The following SYT12 variants were observed in gnomAD, a reference collection of about 807,000 sequenced individuals.
The protein encoded by SYT12 is synaptotagmin 12, also known as synaptotagmin-12.
SYT12 carries 27 observed loss-of-function variants against 39.5 expected under a neutral mutation model. That is an observed-to-expected ratio of 0.68 (90% CI 0.50 to 0.94). The LOEUF is 0.94. Ranked by LOEUF, SYT12 falls within the 40% of genes least tolerant of loss-of-function variation. The pLI, the probability that SYT12 is intolerant of heterozygous loss-of-function variation, is 0.00. For missense variants in SYT12, 536 were observed against 572.6 expected (o/e 0.94, Z 0.65); for synonymous variants, 233 against 239.7 (o/e 0.97, Z 0.26).
intron 2 of SYT12, chr11:67,030,848 A>G (rs958991226): frequency 2.0e-5 from 3 of 152,346 alleles, no homozygotes; most frequent in African/African-American, 7.2e-5. Flanking sequence ...GAAACATACC[A>G]GCCGTCTTTT....
chr11:67,029,904 C>A, intron 1 of SYT12: 1 of 501,446 alleles, frequency 2.0e-6, no homozygotes. Context: ...CACTGGGCAT[C>A]CTGTGTTTTA....
At chr11:67,035,821 C>T (rs1277461914) in intron 3 of SYT12, among the ~76,000 whole-genome samples, 1,453 of 88,660 alleles carry the variant, frequency 0.016, 103 homozygotes, top group African/African-American at 0.068. Flanking sequence ...TTCCTTCCTT[C>T]CTTCCTTCCT....
upstream of SYT12, among the ~76,000 whole-genome samples, chr11:67,019,452 A>G (rs544712818): frequency 1.3e-5 from 2 of 152,004 alleles, no homozygotes; most frequent in East Asian, 3.9e-4. Context: ...AGCCTGGGCA[A>G]CAAGAGCGAA....
intron 6 of SYT12, 147 bp downstream of exon 6, chr11:67,044,860 C>T: frequency 8.3e-7 from 1 of 1,201,938 alleles, no homozygotes; most frequent in Non-Finnish European, 1.2e-6. Flanking sequence ...AGAAGTCATG[C>T]AGATGGATAG....
chr11:67,007,634 G>A (rs1949981539), intron 1 of SYT12, among the ~76,000 whole-genome samples: 4 of 152,076 alleles, frequency 2.6e-5, no homozygotes, highest in Admixed American at 2.6e-4. Flanking sequence ...GGGCGGCCTC[G>A]GCTCACTGCA....
intron 3 of SYT12, among the ~76,000 whole-genome samples, chr11:67,037,961 G>T (rs1463980011): frequency 6.6e-6 from 1 of 150,696 alleles, no homozygotes; most frequent in African/African-American, 2.4e-5. Context: ...AGAGTGAGGG[G>T]GGAGGATCGC....
At chr11:67,018,199 G>T (rs1481393356), upstream of SYT12, among the ~76,000 whole-genome samples, 2 of 151,924 alleles carry the variant, frequency 1.3e-5, no homozygotes, top group Non-Finnish European at 2.9e-5. Flanking sequence ...GGAGGCAGAG[G>T]TTGCAGTGAG....
intron 3 of SYT12, among the ~76,000 whole-genome samples, chr11:67,015,176 A>G (rs751848861): frequency 6.6e-6 from 1 of 152,020 alleles, no homozygotes; most frequent in Non-Finnish European, 1.5e-5. Flanking sequence ...GCTTCCCCCA[A>G]CCAAGGGGAT....
intron 7 of SYT12, among the ~76,000 whole-genome samples, chr11:67,046,084 AC>A (rs1210130676): frequency 1.3e-5 from 2 of 151,788 alleles, no homozygotes; most frequent in Non-Finnish European, 2.9e-5. Context: ...CTCACAAGGG[AC>A]AGGCAGGAGA....
chr11:67,038,191 G>A (rs1950422817), intron 3 of SYT12, among the ~76,000 whole-genome samples: 1 of 147,830 alleles, frequency 6.8e-6, no homozygotes, highest in African/African-American at 2.6e-5. Flanking sequence ...TTTTGAGACA[G>A]AGTCTCACCC....
chr11:67,045,780 G>A lies in SYT12; in HGVS notation c.995G>A (p.Arg332Lys), dbSNP rs371842386. 48 of 1,613,856 alleles carry A rather than the reference G, an allele frequency of 3.0e-5. No individual in the cohort carries two copies. Among genetic ancestry groups the A allele is most frequent in the Non-Finnish European group, 3.8e-5 (45 of 1,180,010 alleles). Reference sequence around the variant, plus strand: ...AAGGTGTACCTGCTGCAGGATGGGAGGAAGATGAGCAAAAAGAAGACAGCC... The same window carrying A: ...AAGGTGTACCTGCTGCAGGATGGGAAGAAGATGAGCAAAAAGAAGACAGCC... ...FVKVYLLQDG[R>K]KMSKKKTAVK... The change falls in exon 7 of 8, where the codon AGG becomes AAG. Residue 332 changes from arginine to lysine, a missense_variant. Arg to Lys is a conservative substitution (Grantham distance 26). Coordinates refer to ENST00000527043, the MANE Select transcript of SYT12 (RefSeq NM_177963.4).
At chr11:67,039,652 A>G (rs778754973) in intron 3 of SYT12, among the ~76,000 whole-genome samples, 159 bp from the exon 4 acceptor site, 1 of 152,190 alleles carries the variant, frequency 6.6e-6, no homozygotes, top group Non-Finnish European at 1.5e-5. Context: ...ATGAAATAAT[A>G]TTAAACAGCG....
chr11:67,046,017 G>A, intron 7 of SYT12, 140 bp downstream of exon 7: 3 of 1,100,046 alleles, frequency 2.7e-6, no homozygotes, highest in Non-Finnish European at 2.6e-6. Flanking sequence ...GTTATTGAGT[G>A]CCACTGGGGC....
intron 2 of SYT12, chr11:67,030,566 TTCATGGGGCGTTAAAC>T: frequency 5.1e-6 from 1 of 197,920 alleles, no homozygotes; most frequent in Non-Finnish European, 1.0e-5. Flanking sequence ...CAAGGTTAGA[TTCATGGGGCGTTAAAC>T]TCAGAGACCA....
At chr11:67,019,594 G>T (rs1950087872), upstream of SYT12, among the ~76,000 whole-genome samples, 5 of 152,014 alleles carry the variant, frequency 3.3e-5, no homozygotes, top group Admixed American at 1.3e-4. Context: ...GGAATTATGG[G>T]AACTACAATC....
intron 7 of SYT12, among the ~76,000 whole-genome samples, chr11:67,047,291 CAG>C (rs1407930452): frequency 8.0e-6 from 1 of 124,310 alleles, no homozygotes; most frequent in East Asian, 2.4e-4. Flanking sequence ...TTTTTTGAGA[CAG>C]AGTCTTGCTC....
rs1392890642 is a variant in SYT12 at position 67,044,654 on chromosome 11, T to A, written c.899T>A (p.Leu300His). 12 of 1,613,584 alleles carry A rather than the reference T, an allele frequency of 7.4e-6. No homozygotes were observed. The highest frequency in any genetic ancestry group is 1.0e-5 in the Non-Finnish European group (12 of 1,179,976). The change falls in exon 6 of 8, where the codon CTC (leucine) becomes CAC (histidine). Residue 300 changes from leucine (L) to histidine (H), a missense_variant. Leu to His is a moderately conservative substitution (Grantham distance 99, BLOSUM62 -3). Transcript: ENST00000527043. Reference sequence around the variant, plus strand: ...AGCTACCTCCCCACAGCCGAGCGCCTCACCGTGGTCGTGGTTAAGGCCAAG... The same window carrying A: ...AGCTACCTCCCCACAGCCGAGCGCCACACCGTGGTCGTGGTTAAGGCCAAG... ...SLSYLPTAERLTVVVVKAKNL... is the reference protein window; with the variant it reads ...SLSYLPTAERHTVVVVKAKNL...
Position 67,039,845 on chromosome 11 carries a change from C to T in SYT12, c.263C>T (p.Thr88Met), listed in dbSNP as rs775258476. Residue 88 changes from threonine to methionine, a missense_variant, in exon 4 of 8, where the codon ACG (threonine) becomes ATG (methionine). Thr to Met is a moderately conservative substitution (Grantham distance 81, BLOSUM62 -1). Transcript: ENST00000527043. The part of the protein sequence containing the change: ...VPAWNAQRAS[T>M]RGPPSRKGSL... ...GCCTGGAATGCCCAGCGGGCCAGCACGCGGGGACCACCCAGCCGCAAAGGC... is the reference window on the plus strand; with the variant it reads ...GCCTGGAATGCCCAGCGGGCCAGCATGCGGGGACCACCCAGCCGCAAAGGC... The T allele has an allele frequency of 3.3e-5, 53 of 1,612,496 alleles. No homozygotes were observed. Among genetic ancestry groups the T allele is most frequent in the South Asian group, 6.6e-5 (6 of 91,084 alleles).
chr11:67,016,698 C>G (rs1950062078), intron 3 of SYT12, among the ~76,000 whole-genome samples: 1 of 152,198 alleles, frequency 6.6e-6, no homozygotes, highest in African/African-American at 2.4e-5. Flanking sequence ...AGACCCAGCT[C>G]TGGAACTGTG....
Sources: allele counts gnomAD v4.1 joint callset (sites outside exome capture counted in the v4.1 genomes callset), GRCh38; gene constraint gnomAD v4.1.1; transcripts MANE v1.5; gene names NCBI Gene and HGNC (gene_info 2026-07-23, HGNC 2026-07-21).